DKK2: variants seen among roughly 807,000 people sequenced by gnomAD.
DKK2 encodes the protein dickkopf Wnt signaling pathway inhibitor 2.
In DKK2, 11 loss-of-function variants were observed where a neutral mutation model predicts 28.1. That is an observed-to-expected ratio of 0.39 (90% CI 0.25 to 0.65). DKK2 has a LOEUF of 0.65. Among genes scored for constraint, DKK2 ranks in the 30% least tolerant of loss-of-function variants. The pLI is 0.47. For missense variants in DKK2, 326 were observed against 335.5 expected (o/e 0.97, Z 0.22); for synonymous variants, 135 against 126.5 (o/e 1.07, Z -0.45).
rs57902846 is a variant in DKK2 at position 106,966,149 on chromosome 4, G to T, written c.223-40200C>A. Among the ~76,000 whole-genome samples, 766 of 152,208 alleles carry T rather than the reference G, an allele frequency of 5.0e-3. 4 individuals are homozygous for T. Among genetic ancestry groups the T allele is most frequent in the African/African-American group, 0.017 (714 of 41,550 alleles). The stretch of plus-strand genomic sequence containing the variant: ...AAATGTAAAGGATTTTAGGAAAGTG[G>T]TTGCAAATTAACTTAGGCTTGGACG... On this transcript the variant is annotated intron_variant, in intron 1 of 3. Coordinates refer to ENST00000285311, the MANE Select transcript of DKK2 (RefSeq NM_014421.3).
rs1287644040 is a variant in DKK2 at position 107,035,468 on chromosome 4, G to C, written c.124C>G (p.Leu42Val). 8 of 1,614,096 alleles carry C rather than the reference G, an allele frequency of 5.0e-6. No homozygotes were observed. Among genetic ancestry groups the C allele is most frequent in the Admixed American group, 1.7e-5 (1 of 60,010 alleles). Residue 42 changes from leucine to valine, a missense_variant, in exon 1 of 4, where the codon CTG becomes GTG. Physicochemically the swap from Leu to Val is conservative, Grantham distance 32 (BLOSUM62 1). Transcript: ENST00000285311. ...RAKLNSIKSS[L>V]GGETPGQAAN... Reference sequence around the variant, plus strand: ...GCCTGACCAGGCGTCTCCCCGCCCAGAGAGGACTTGATGGAGTTGAGTTTG... The same window carrying C: ...GCCTGACCAGGCGTCTCCCCGCCCACAGAGGACTTGATGGAGTTGAGTTTG...
chr4:107,023,699 C>T (rs767878778), intron 1 of DKK2, among the ~76,000 whole-genome samples: 1 of 151,980 alleles, frequency 6.6e-6, no homozygotes, highest in Non-Finnish European at 1.5e-5. Flanking sequence ...ATGCAAACTA[C>T]AAATCATAGT....
intron 1 of DKK2, among the ~76,000 whole-genome samples, chr4:106,930,367 A>T (rs1724484455): frequency 6.6e-6 from 1 of 152,186 alleles, no homozygotes. Flanking sequence ...TTAGGGTTGA[A>T]TTAATTTTCA....
intron 1 of DKK2, among the ~76,000 whole-genome samples, chr4:107,033,197 A>G (rs1723903438): frequency 6.6e-6 from 1 of 152,136 alleles, no homozygotes; most frequent in African/African-American, 2.4e-5. Flanking sequence ...TATGTTAACA[A>G]TTTTTTTCAC....
intron 1 of DKK2, among the ~76,000 whole-genome samples, chr4:106,928,092 G>T (rs546140082): frequency 6.6e-6 from 1 of 152,082 alleles, no homozygotes; most frequent in Admixed American, 6.6e-5. Context: ...AATTGTGAAT[G>T]GCGCATCACC....
At chr4:106,939,001 T>C (rs1724646490) in intron 1 of DKK2, among the ~76,000 whole-genome samples, 1 of 151,884 alleles carries the variant, frequency 6.6e-6, no homozygotes, top group African/African-American at 2.4e-5. Context: ...CCACAGCCAA[T>C]ATCATACTGA....
At chr4:107,029,771 T>C (rs1362080059) in intron 1 of DKK2, among the ~76,000 whole-genome samples, 1 of 152,162 alleles carries the variant, frequency 6.6e-6, no homozygotes, top group Non-Finnish European at 1.5e-5. Flanking sequence ...ATGTACTTAT[T>C]TGCTCATTGA....
rs565585502 is a variant in DKK2 at position 106,946,743 on chromosome 4, A to G, written c.223-20794T>C. On this transcript the variant is annotated intron_variant, in intron 1 of 3. Transcript: ENST00000285311. Reference sequence around the variant, plus strand: ...ATGCGGTTGTTACAAGGCTGAACAGACCTCTGGTAGCGTAAATAAACCTCT... The same window carrying G: ...ATGCGGTTGTTACAAGGCTGAACAGGCCTCTGGTAGCGTAAATAAACCTCT... Among the ~76,000 whole-genome samples, 11 of 151,914 alleles carry G rather than the reference A, an allele frequency of 7.2e-5. No homozygotes were observed. In the South Asian group the frequency reaches 8.3e-4, roughly 11 times the overall value.
intron 1 of DKK2, among the ~76,000 whole-genome samples, chr4:106,969,341 T>C (rs1255177248): frequency 1.3e-5 from 2 of 151,848 alleles, no homozygotes; most frequent in Admixed American, 1.3e-4. Context: ...CACCTCTCTG[T>C]ATTCATGACT....
intron 1 of DKK2, among the ~76,000 whole-genome samples, chr4:106,929,635 C>T (rs1472305370): frequency 2.0e-5 from 3 of 152,054 alleles, no homozygotes; most frequent in African/African-American, 7.2e-5. Context: ...AGTGAATTTC[C>T]ACAAATAGCA....
At chr4:107,001,027 CAT>C (rs1159159497) in intron 1 of DKK2, among the ~76,000 whole-genome samples, 3 of 151,478 alleles carry the variant, frequency 2.0e-5, no homozygotes, top group Non-Finnish European at 2.9e-5. Context: ...CTCACCATAA[CAT>C]GTGGATAGGG....
chr4:106,925,723 C>T (rs945057242), intron 2 of DKK2, 76 bp downstream of exon 2: 15 of 1,519,896 alleles, frequency 9.9e-6, no homozygotes, highest in African/African-American at 7.0e-5. Flanking sequence ...AGTAAGGAGA[C>T]GATAGCCTGA....
At chr4:106,944,944 C>T (rs1724754493) in intron 1 of DKK2, among the ~76,000 whole-genome samples, 1 of 152,084 alleles carries the variant, frequency 6.6e-6, no homozygotes, top group African/African-American at 2.4e-5. Context: ...TTTATTCACA[C>T]AAACAACTCA....
rs1724393883 is a variant in DKK2, at chr4:106,924,311, G to A, written c.530-107C>T. On this transcript the variant is annotated intron_variant, in intron 3 of 3. Coordinates refer to ENST00000285311, the MANE Select transcript of DKK2 (RefSeq NM_014421.3). ...TATTTTTACTTATACTATCTTCTAT[G>A]TTGTTACCATTTATAATGAAAAGTC... is the stretch of plus-strand genomic sequence containing the variant. 4.2e-6 allele frequency: 6 copies of A among 1,418,562 alleles called. No individual in the cohort carries two copies. In the African/African-American group the frequency reaches 4.3e-5, roughly 10 times the overall value. The allele number at this position is 1,418,562 out of a possible 1,614,324, so 87.9% of individuals were successfully genotyped here. A position where few individuals can be genotyped will look rare whatever the true frequency, so the allele number is the denominator to read the frequency against.
intron 1 of DKK2, among the ~76,000 whole-genome samples, chr4:107,016,245 A>G (rs1723602230): frequency 1.3e-5 from 2 of 151,942 alleles, no homozygotes; most frequent in African/African-American, 4.8e-5. Flanking sequence ...CATAACATAG[A>G]AGAAAACTTT....
intron 1 of DKK2, among the ~76,000 whole-genome samples, chr4:106,949,795 T>G (rs1724831725): frequency 6.6e-6 from 1 of 152,196 alleles, no homozygotes; most frequent in East Asian, 1.9e-4. Flanking sequence ...ATTTTTCTTT[T>G]GCATCACAGA....
At chr4:107,020,152 C>G (rs1723669801) in intron 1 of DKK2, among the ~76,000 whole-genome samples, 1 of 151,978 alleles carries the variant, frequency 6.6e-6, no homozygotes, top group Non-Finnish European at 1.5e-5. Context: ...CTTTTATTTT[C>G]TAACAAGAAA....
chr4:106,968,437 T>A (rs934281769), intron 1 of DKK2, among the ~76,000 whole-genome samples: 1 of 152,116 alleles, frequency 6.6e-6, no homozygotes, highest in Non-Finnish European at 1.5e-5. Context: ...CTCTCCAGAA[T>A]ATTAACACAT....
At chr4:106,937,896 A>C (rs1430464114) in intron 1 of DKK2, among the ~76,000 whole-genome samples, 1 of 151,890 alleles carries the variant, frequency 6.6e-6, no homozygotes, top group Non-Finnish European at 1.5e-5. Context: ...TGAAGGCAGA[A>C]ATAAAGATGT....
Sources: gnomAD v4.1 joint callset for allele counts (sites outside exome capture counted in the v4.1 genomes callset) on GRCh38, gnomAD v4.1.1 for gene constraint, MANE v1.5 for transcripts, NCBI Gene and HGNC (gene_info 2026-07-23, HGNC 2026-07-21) for gene names.